Variants in HNF1B observed in about 807,000 individuals in gnomAD.
The protein encoded by HNF1B is hepatocyte nuclear factor 1-beta.
In HNF1B, 8 loss-of-function variants were observed where a neutral mutation model predicts 61.7. That is an observed-to-expected ratio of 0.13 (90% CI 0.08 to 0.23). The LOEUF (loss-of-function observed/expected upper bound fraction) is 0.23, where lower values mean the gene tolerates loss of function less well. HNF1B is among the 10% of genes least tolerant of loss of function. The pLI, the probability that HNF1B is intolerant of heterozygous loss-of-function variation, is 1.00. For synonymous variants in HNF1B, 314 were observed against 287.7 expected, an observed-to-expected ratio of 1.09 and a Z score of -0.93; for missense variants, 562 against 714.5, an observed-to-expected ratio of 0.79 and a Z score of 2.43.
rs150043719 is a variant in HNF1B at position 37,717,222 on chromosome 17, T to G, written c.1046-6559A>C. Among the ~76,000 whole-genome samples the G allele has an allele frequency of 1.2e-3, 179 of 152,112 alleles. 1 individual carries two copies. In the East Asian group the frequency reaches 0.033, roughly 28 times the overall value. ...TGCACCCAGAATCTGGTGGGATGCCTTTCACCCTTGACATTTCAGAGCCAA... is the reference window on the plus strand; with the variant it reads ...TGCACCCAGAATCTGGTGGGATGCCGTTCACCCTTGACATTTCAGAGCCAA... On this transcript the variant is annotated intron_variant, in intron 4 of 8. Coordinates refer to ENST00000617811, the MANE Select transcript of HNF1B (RefSeq NM_000458.4).
At chr17:37,739,717 C>G (rs2033936597) in intron 1 of HNF1B, 78 bp from the exon 2 acceptor site, 1 of 1,289,116 alleles carries the variant, frequency 7.8e-7, no homozygotes, top group Admixed American at 2.0e-5. Context: ...GGGGTGCTAC[C>G]TATGGTCTAT....
At chr17:37,719,345 G>A (rs1308196138) in intron 4 of HNF1B, among the ~76,000 whole-genome samples, 1 of 152,198 alleles carries the variant, frequency 6.6e-6, no homozygotes, top group African/African-American at 2.4e-5. Context: ...AGTATTGATA[G>A]ACTTGGGCAG....
intron 8 of HNF1B, among the ~76,000 whole-genome samples, chr17:37,697,826 G>A (rs1040636681): frequency 2.8e-4 from 43 of 152,294 alleles, no homozygotes; most frequent in Middle Eastern, 3.4e-3. Flanking sequence ...CAGCTCCAGA[G>A]CCCAGCTGCC....
chr17:37,743,565 C>G (rs902546580), intron 1 of HNF1B, among the ~76,000 whole-genome samples: 1 of 152,256 alleles, frequency 6.6e-6, no homozygotes. Flanking sequence ...GGCTCAGCCC[C>G]GAAATCGCAG....
chr17:37,715,947 C>T (rs1040600977), intron 4 of HNF1B, among the ~76,000 whole-genome samples: 16 of 152,128 alleles, frequency 1.1e-4, no homozygotes, highest in African/African-American at 3.9e-4. Flanking sequence ...GCCTGGCCAA[C>T]ATGGTGAAAC....
At chr17:37,705,943 A>G (rs1041418569) in intron 5 of HNF1B, among the ~76,000 whole-genome samples, 2 of 152,128 alleles carry the variant, frequency 1.3e-5, no homozygotes, top group Admixed American at 1.3e-4. Context: ...TTAGTTTACT[A>G]CTTATAGTTT....
rs543743549 is a variant in HNF1B, at chr17:37,705,380, T to G, written c.1207-331A>C. ...ATTCTAGGTGCTGGGGATAGAGCAG[T>G]AAGTAAAACAGACAGTGATCCCTGC... is the stretch of plus-strand genomic sequence containing the variant. On this transcript the variant is annotated intron_variant, in intron 5 of 8. Transcript: ENST00000617811. Among the ~76,000 whole-genome samples the G allele has an allele frequency of 7.9e-5, 12 of 152,350 alleles. No individual in the cohort carries two copies. In the South Asian group the frequency reaches 8.3e-4, roughly 11 times the overall value.
chr17:37,718,090 T>C (rs1232940541), intron 4 of HNF1B, among the ~76,000 whole-genome samples: 1 of 151,938 alleles, frequency 6.6e-6, no homozygotes, highest in Admixed American at 6.6e-5. Context: ...GAGTGATACT[T>C]AAGGGAAGCC....
chr17:37,734,061 G>A (rs998098204), intron 2 of HNF1B, among the ~76,000 whole-genome samples: 3 of 152,184 alleles, frequency 2.0e-5, no homozygotes, highest in African/African-American at 4.8e-5. Flanking sequence ...CTCAAACATA[G>A]CCAGCTATAG....
chr17:37,738,704 T>C (rs565355151), intron 2 of HNF1B, among the ~76,000 whole-genome samples: 5 of 152,218 alleles, frequency 3.3e-5, no homozygotes, highest in Non-Finnish European at 7.3e-5. Context: ...CTTTTAGAAT[T>C]ATTGGGTGGG....
At chr17:37,707,723 T>C (rs1326502425) in intron 5 of HNF1B, among the ~76,000 whole-genome samples, 2 of 152,122 alleles carry the variant, frequency 1.3e-5, no homozygotes, top group South Asian at 2.1e-4. Context: ...GACATACTGC[T>C]TGATACTGTG....
intron 5 of HNF1B, among the ~76,000 whole-genome samples, chr17:37,709,071 G>A (rs1006159410): frequency 4.6e-5 from 7 of 152,066 alleles, no homozygotes; most frequent in Non-Finnish European, 8.8e-5. Flanking sequence ...TCGGGAATCT[G>A]CGGCTCCTCC....
chr17:37,689,726 T>C (rs138536205), intron 8 of HNF1B, among the ~76,000 whole-genome samples: 7 of 152,328 alleles, frequency 4.6e-5, no homozygotes, highest in African/African-American at 1.7e-4. Context: ...TCTAAGAGGA[T>C]TTGTTACATA....
chr17:37,743,736 G>A (rs72830495), intron 1 of HNF1B, among the ~76,000 whole-genome samples: 2,935 of 152,342 alleles, frequency 0.019, 30 homozygotes, highest in Non-Finnish European at 0.029. Context: ...CCCGGCCCTG[G>A]GGATACACTG....
intron 8 of HNF1B, among the ~76,000 whole-genome samples, chr17:37,694,438 G>A (rs867517338): frequency 6.8e-5 from 2 of 29,420 alleles, no homozygotes; most frequent in African/African-American, 2.7e-4. Context: ...CCGCCCCGCC[G>A]CCCCCCCCCC....
At chr17:37,734,821 T>TA (rs2033787820) in intron 2 of HNF1B, among the ~76,000 whole-genome samples, 4 of 148,802 alleles carry the variant, frequency 2.7e-5, no homozygotes, top group African/African-American at 1.0e-4. Context: ...AGAGTTTGCC[T>TA]CTTGTTGCCC....
At position 37,739,626 on chromosome 17, in the gene HNF1B, T is replaced by C. The variant is rs2033932710; in HGVS notation, c.358A>G (p.Arg120Gly). Residue 120 changes from arginine to glycine, a missense_variant, in exon 2 of 9, where the codon AGG becomes GGG. By Grantham distance (125) the Arg-to-Gly change is moderately radical. Around this residue, in one of 6 missense-constraint regions of HNF1B, gnomAD observed 16 missense variants for 66.3 expected, o/e 0.24. Transcript: ENST00000617811. Reference sequence around the variant, plus strand: ...TAACCCTTGATCATTTTAGCAGCCCTCCAAGGGTCCTCACTAGACAGACAA... The same window carrying C: ...TAACCCTTGATCATTTTAGCAGCCCCCCAAGGGTCCTCACTAGACAGACAA... Reference protein sequence around the residue: ...VDRMLSEDPWRAAKMIKGYMQ... With the variant: ...VDRMLSEDPWGAAKMIKGYMQ... 1 of 1,611,834 alleles carries C rather than the reference T, an allele frequency of 6.2e-7. No individual in the cohort carries two copies. The highest frequency in any genetic ancestry group is 8.5e-7 in the Non-Finnish European group (1 of 1,179,008).
chr17:37,697,650 C>A (rs556344397), intron 8 of HNF1B, among the ~76,000 whole-genome samples: 25 of 152,272 alleles, frequency 1.6e-4, no homozygotes, highest in African/African-American at 5.8e-4. Context: ...TGGCTGCCCC[C>A]CTGATTGAGA....
At chr17:37,711,208 C>T (rs1754474414) in intron 4 of HNF1B, among the ~76,000 whole-genome samples, 1 of 152,232 alleles carries the variant, frequency 6.6e-6, no homozygotes, top group Admixed American at 6.5e-5. Flanking sequence ...TGTGTACCAC[C>T]TTTGTGGCCA....
Sources: gnomAD v4.1 joint callset for allele counts (sites outside exome capture counted in the v4.1 genomes callset) on GRCh38, gnomAD v4.1.1 for gene constraint, gnomAD v4.1.1 regional missense constraint, MANE v1.5 for transcripts, NCBI Gene and HGNC (gene_info 2026-07-23, HGNC 2026-07-21) for gene names.